Variants in USP37 observed in about 807,000 individuals in gnomAD.
The protein encoded by USP37 is ubiquitin carboxyl-terminal hydrolase 37.
In USP37, 27 loss-of-function variants were observed where a neutral mutation model predicts 124.0. The ratio of observed to expected loss-of-function variants is 0.22; its 90% CI spans 0.16 to 0.30. USP37 has a LOEUF of 0.30. Among genes scored for constraint, USP37 ranks in the 10% least tolerant of loss-of-function variants. The pLI is 1.00. For synonymous variants in USP37, 365 were observed against 388.0 expected (o/e 0.94, Z 0.70); for missense variants, 889 against 1,140.4 (o/e 0.78, Z 3.17).
At chr2:218,471,114 G>T (rs745364616) in intron 20 of USP37, among the ~76,000 whole-genome samples, 2 of 152,164 alleles carry the variant, frequency 1.3e-5, no homozygotes, top group Non-Finnish European at 2.9e-5. Context: ...GAAAGTCCAC[G>T]GAACACAGTT....
rs747429592 is a variant in USP37, at chr2:218,485,742, G to A, written c.1592C>T (p.Ala531Val). ...CTCACAAGAATACTCCAGTTCTTCGGCCTATAAAAAGAAGGAAAAATAAAG... is the reference window on the plus strand; with the variant it reads ...CTCACAAGAATACTCCAGTTCTTCGACCTATAAAAAGAAGGAAAAATAAAG... The part of the protein sequence containing the change: ...IQDSLDLFFR[A>V]EELEYSCEKC... The change falls in exon 16 of 26, where the codon GCC becomes GTC. Residue 531 changes from alanine (A) to valine (V), a missense_variant and splice_region_variant. Transcript: ENST00000258399. 6.2e-7 allele frequency: 1 copy of A among 1,608,282 alleles called. No homozygotes were observed. Among genetic ancestry groups the A allele is most frequent in the South Asian group, 1.1e-5 (1 of 89,192 alleles).
rs71403040 is a variant in USP37, at chr2:218,454,613, C to CGTGT, written c.*313_*316dup. ...TAACTCTTTAAGGCTCCATTCATCC[C>CGTGT]GTGTGTGTGTGTGTGTGTCTGTGTG... is the stretch of plus-strand genomic sequence containing the variant. On this transcript the variant is annotated 3_prime_UTR_variant, in exon 26 of 26. Coordinates refer to ENST00000258399, the MANE Select transcript of USP37 (RefSeq NM_020935.3). The CGTGT allele has an allele frequency of 1.7e-4, 37 of 223,754 alleles. No homozygotes were observed. In the East Asian group the frequency reaches 2.4e-3, roughly 15 times the overall value. The allele number at this position is 223,754 out of a possible 1,614,324, so 13.9% of individuals were successfully genotyped here.
chr2:218,462,968 A>G (rs926753181), intron 22 of USP37, among the ~76,000 whole-genome samples: 1 of 152,076 alleles, frequency 6.6e-6, no homozygotes, highest in African/African-American at 2.4e-5. Context: ...GGAGTTCAAG[A>G]CCAGCCTTGG....
chr2:218,501,289 C>T (rs1689372349), intron 11 of USP37, among the ~76,000 whole-genome samples: 1 of 152,048 alleles, frequency 6.6e-6, no homozygotes, highest in Non-Finnish European at 1.5e-5. Flanking sequence ...ATCTGCCTGC[C>T]TTGACCTCCC....
intron 23 of USP37, 113 bp from the exon 24 acceptor site, chr2:218,457,274 T>C: frequency 1.0e-6 from 1 of 998,080 alleles, no homozygotes; most frequent in South Asian, 1.6e-5. Context: ...TGTGGCATAG[T>C]AAGAATCAAT....
intron 1 of USP37, among the ~76,000 whole-genome samples, chr2:218,565,113 G>C (rs1198372719): frequency 6.6e-6 from 1 of 152,122 alleles, no homozygotes; most frequent in African/African-American, 2.4e-5. Flanking sequence ...TATAGACATG[G>C]GGTTTTGCCA....
chr2:218,518,179 T>C (rs1690401919), intron 10 of USP37, among the ~76,000 whole-genome samples: 1 of 152,152 alleles, frequency 6.6e-6, no homozygotes, highest in Non-Finnish European at 1.5e-5. Context: ...TGGTCTCAAT[T>C]ATGTTTTATG....
intron 9 of USP37, among the ~76,000 whole-genome samples, chr2:218,532,711 T>G (rs866023001): frequency 6.6e-6 from 1 of 151,650 alleles, no homozygotes; most frequent in Admixed American, 6.6e-5. Context: ...AGTGGATCAC[T>G]TGAGCCCAGG....
chr2:218,476,719 G>A (rs1247651369), intron 19 of USP37, 121 bp downstream of exon 19: 1 of 1,109,518 alleles, frequency 9.0e-7, no homozygotes, highest in East Asian at 3.0e-5. Flanking sequence ...ACTGATTTCT[G>A]TAGCCAGAGA....
chr2:218,464,008 A>T (rs1287949593), intron 21 of USP37, among the ~76,000 whole-genome samples: 2 of 149,516 alleles, frequency 1.3e-5, no homozygotes, highest in East Asian at 4.0e-4. Context: ...GGTGCGTGCC[A>T]CCACACCCAG....
At chr2:218,561,014 T>C in intron 2 of USP37, 131 bp from the exon 3 acceptor site, 1 of 152,224 alleles carries the variant, frequency 6.6e-6, no homozygotes, top group East Asian at 1.9e-4. Context: ...ATTTAGATAT[T>C]AGTATAATGT....
At chr2:218,467,347 CTATCTATCTATT>C (rs1281083016) in intron 20 of USP37, among the ~76,000 whole-genome samples, 2 of 150,810 alleles carry the variant, frequency 1.3e-5, no homozygotes, top group Admixed American at 6.6e-5. Context: ...ATCTATCTAT[CTATCTATCTATT>C]TTTTTTTGAG....
intron 11 of USP37, among the ~76,000 whole-genome samples, chr2:218,503,459 G>A (rs1039658690): frequency 1.3e-5 from 2 of 152,244 alleles, no homozygotes; most frequent in Non-Finnish European, 2.9e-5. Flanking sequence ...GCTCACGCCT[G>A]TAATCCCAGC....
At position 218,454,719 on chromosome 2, in the gene USP37, A is replaced by G; in HGVS notation, c.*211T>C. The G allele has an allele frequency of 2.2e-6, 2 of 921,784 alleles. No individual in the cohort carries two copies. Among genetic ancestry groups the G allele is most frequent in the Non-Finnish European group, 1.5e-6 (1 of 649,930 alleles). 57.1% of individuals were successfully genotyped at this position (921,784 alleles called of 1,614,324 possible). Reference sequence around the variant, plus strand: ...GAAGTGCCACTCATAGGAGAAAAAGAGGATAATCAGCTACGGATGTGAGAC... The same window carrying G: ...GAAGTGCCACTCATAGGAGAAAAAGGGGATAATCAGCTACGGATGTGAGAC... On this transcript the variant is annotated 3_prime_UTR_variant, in exon 26 of 26. Coordinates refer to ENST00000258399, the MANE Select transcript of USP37 (RefSeq NM_020935.3).
At chr2:218,548,848 A>C (rs1024797706) in intron 6 of USP37, among the ~76,000 whole-genome samples, 2 of 152,208 alleles carry the variant, frequency 1.3e-5, no homozygotes, top group Non-Finnish European at 2.9e-5. Context: ...GTGAAAGCAT[A>C]AATACTTGCT....
At chr2:218,478,273 C>T (rs1426453018) in intron 18 of USP37, among the ~76,000 whole-genome samples, 1 of 152,164 alleles carries the variant, frequency 6.6e-6, no homozygotes, top group Non-Finnish European at 1.5e-5. Flanking sequence ...AAAAGCCTCC[C>T]ATGTGCTCAA....
chr2:218,520,399 G>T (rs1244370457), intron 10 of USP37, among the ~76,000 whole-genome samples: 1 of 147,190 alleles, frequency 6.8e-6, no homozygotes, highest in African/African-American at 2.5e-5. Context: ...GCCCAGGCTG[G>T]AGTGCAACGG....
At chr2:218,515,209 C>CT (rs879297884) in intron 10 of USP37, among the ~76,000 whole-genome samples, 32 of 147,448 alleles carry the variant, frequency 2.2e-4, no homozygotes, top group Admixed American at 1.0e-3. Flanking sequence ...TCATAGGGAA[C>CT]TTTTTTTTTT....
chr2:218,510,857 T>C (rs1252537832), intron 10 of USP37, among the ~76,000 whole-genome samples: 1 of 151,912 alleles, frequency 6.6e-6, no homozygotes, highest in African/African-American at 2.4e-5. Flanking sequence ...TAGCCAGGCG[T>C]GGTGGGGAGG....
Sources: gnomAD v4.1 joint callset for allele counts (sites outside exome capture counted in the v4.1 genomes callset) on GRCh38, gnomAD v4.1.1 for gene constraint, MANE v1.5 for transcripts, NCBI Gene and HGNC (gene_info 2026-07-23, HGNC 2026-07-21) for gene names.